The following GPC5 variants were observed in gnomAD, a reference collection of about 807,000 sequenced individuals.
GPC5 encodes the protein glypican 5.
Under a neutral mutation model 53.9 loss-of-function variants are expected in GPC5, and 47 were observed. The ratio of observed to expected loss-of-function variants is 0.87; its 90% confidence interval spans 0.69 to 1.11. GPC5 has a LOEUF of 1.11. GPC5 is among the 50% of genes most tolerant of loss of function. The pLI is 0.00. For missense variants in GPC5, 748 were observed against 713.1 expected, an observed-to-expected ratio of 1.05 and a Z score of -0.56; for synonymous variants, 286 against 263.3, an observed-to-expected ratio of 1.09 and a Z score of -0.84.
intron 7 of GPC5, among the ~76,000 whole-genome samples, chr13:92,753,720 A>C (rs1874703257): frequency 6.6e-6 from 1 of 152,188 alleles, no homozygotes; most frequent in Non-Finnish European, 1.5e-5. Context: ...AACTGGAAGA[A>C]AGGTATCAGC....
At chr13:92,583,277 A>T (rs1883429132) in intron 7 of GPC5, among the ~76,000 whole-genome samples, 1 of 152,168 alleles carries the variant, frequency 6.6e-6, no homozygotes, top group South Asian at 2.1e-4. Flanking sequence ...TGTTAATGTA[A>T]TAAATAAGAT....
At chr13:91,737,774 T>A (rs2036846451) in intron 4 of GPC5, among the ~76,000 whole-genome samples, 1 of 151,488 alleles carries the variant, frequency 6.6e-6, no homozygotes, top group East Asian at 1.9e-4. Flanking sequence ...TATATTTTAG[T>A]CTTCCAGTAT....
intron 6 of GPC5, among the ~76,000 whole-genome samples, chr13:92,019,096 A>G (rs1397597111): frequency 6.6e-6 from 1 of 152,026 alleles, no homozygotes; most frequent in Non-Finnish European, 1.5e-5. Context: ...TAAAATATAC[A>G]TATATGCTAA....
chr13:92,859,205 T>C (rs1467937504), intron 7 of GPC5, among the ~76,000 whole-genome samples: 1 of 152,144 alleles, frequency 6.6e-6, no homozygotes, highest in Non-Finnish European at 1.5e-5. Flanking sequence ...GCTATGATGG[T>C]ATCACTGCAC....
chr13:92,301,762 A>C (rs943010815), intron 7 of GPC5, among the ~76,000 whole-genome samples: 3 of 152,000 alleles, frequency 2.0e-5, no homozygotes, highest in African/African-American at 7.2e-5. Flanking sequence ...AAAAAATCAG[A>C]AAAAGAAAAA....
intron 6 of GPC5, among the ~76,000 whole-genome samples, chr13:92,076,907 A>G (rs1169559436): frequency 3.3e-5 from 5 of 152,262 alleles, no homozygotes; most frequent in South Asian, 4.1e-4. Context: ...CCTGAATAGG[A>G]AATATTTGTT....
intron 7 of GPC5, among the ~76,000 whole-genome samples, chr13:92,297,516 C>A (rs1008194623): frequency 1.3e-5 from 2 of 150,986 alleles, no homozygotes; most frequent in Admixed American, 1.3e-4. Flanking sequence ...CAATCAGCAC[C>A]CTGTGTTTAG....
At chr13:92,014,053 C>A (rs1283154482) in intron 6 of GPC5, among the ~76,000 whole-genome samples, 1 of 152,118 alleles carries the variant, frequency 6.6e-6, no homozygotes, top group Non-Finnish European at 1.5e-5. Context: ...GATAATTAGG[C>A]TTTAAATGCA....
chr13:92,477,062 T>A (rs1243721838), intron 7 of GPC5, among the ~76,000 whole-genome samples: 2 of 149,340 alleles, frequency 1.3e-5, no homozygotes, highest in Non-Finnish European at 3.0e-5. Flanking sequence ...AATAAATAAA[T>A]AAATAAATAA....
chr13:92,657,435 C>A lies in GPC5; in HGVS notation c.1562-208847C>A, dbSNP rs1463958980. 2.0e-5 allele frequency among the ~76,000 whole-genome samples: 3 copies of A among 152,186 alleles called. No individual in the cohort carries two copies. In the East Asian group the frequency reaches 5.8e-4, roughly 29 times the overall value. ...ACACTGGATCCCTGTGTGTTTTACT[C>A]CAAGTCTAGATCCCAGGGTGCAAGA... On this transcript the variant is annotated intron_variant, in intron 7 of 7. Transcript: ENST00000377067.
chr13:91,428,490 C>A (rs1374703034), intron 1 of GPC5, among the ~76,000 whole-genome samples: 1 of 152,128 alleles, frequency 6.6e-6, no homozygotes, highest in Non-Finnish European at 1.5e-5. Context: ...GGCCCAGGAC[C>A]AATCAGGGGC....
At chr13:91,980,696 T>A (rs549209996) in intron 6 of GPC5, among the ~76,000 whole-genome samples, 1 of 152,342 alleles carries the variant, frequency 6.6e-6, no homozygotes, top group Admixed American at 6.5e-5. Context: ...GCTACTTGAA[T>A]TTTTACTAAA....
intron 7 of GPC5, among the ~76,000 whole-genome samples, chr13:92,677,108 A>G (rs1886968008): frequency 6.6e-6 from 1 of 152,202 alleles, no homozygotes; most frequent in African/African-American, 2.4e-5. Context: ...TAATTGAAGT[A>G]CGAAAACCTT....
At chr13:92,699,633 G>T (rs1887665224) in intron 7 of GPC5, among the ~76,000 whole-genome samples, 1 of 152,058 alleles carries the variant, frequency 6.6e-6, no homozygotes, top group South Asian at 2.1e-4. Context: ...TTGTGTCTTT[G>T]TTCTTGTTGG....
intron 7 of GPC5, among the ~76,000 whole-genome samples, chr13:92,499,484 A>G (rs1238936248): frequency 2.0e-5 from 3 of 152,168 alleles, no homozygotes; most frequent in African/African-American, 7.2e-5. Flanking sequence ...TGTTTTCATA[A>G]TGTGATTGAC....
intron 7 of GPC5, among the ~76,000 whole-genome samples, chr13:92,374,452 A>T (rs1002692851): frequency 6.6e-6 from 1 of 152,124 alleles, no homozygotes; most frequent in African/African-American, 2.4e-5. Flanking sequence ...ATATATATGC[A>T]CAATTGGCTC....
In GPC5 at chr13:92,093,281, T is replaced by A. The variant is rs184107230; in HGVS notation, c.1402-51549T>A. On this transcript the variant is annotated intron_variant, in intron 6 of 7. Coordinates refer to ENST00000377067, the MANE Select transcript of GPC5 (RefSeq NM_004466.6). ...AGAACAGAAAAGCAGTCACCAAGTT[T>A]ATCAGTTAAGTCGGTATTATTACAA... Among the ~76,000 whole-genome samples the A allele has an allele frequency of 1.7e-4, 26 of 152,272 alleles. 1 individual carries two copies. In the East Asian group the frequency reaches 5.0e-3, roughly 29 times the overall value.
chr13:92,819,058 G>T (rs1035356819), intron 7 of GPC5, among the ~76,000 whole-genome samples: 1 of 151,946 alleles, frequency 6.6e-6, no homozygotes, highest in Admixed American at 6.6e-5. Flanking sequence ...AGTGTTTTAA[G>T]GGTATGTTTC....
rs1426109903 is a variant in GPC5, at chr13:92,122,255, A to T, written c.1402-22575A>T. 3.4e-5 allele frequency among the ~76,000 whole-genome samples: 5 copies of T among 148,882 alleles called. No homozygotes were observed. In the Admixed American group the frequency reaches 3.4e-4, roughly 10 times the overall value. On this transcript the variant is annotated intron_variant, in intron 6 of 7. Coordinates refer to ENST00000377067, the MANE Select transcript of GPC5 (RefSeq NM_004466.6). The stretch of plus-strand genomic sequence containing the variant: ...ACCTTGGGCTCTCAGTGACGTTTTT[A>T]TGGGTTTTAAAACACAGCGCTTTTT...
Sources: gnomAD v4.1 joint callset for allele counts (sites outside exome capture counted in the v4.1 genomes callset) on GRCh38, gnomAD v4.1.1 for gene constraint, MANE v1.5 for transcripts, NCBI Gene and HGNC (gene_info 2026-07-23, HGNC 2026-07-21) for gene names.